TLE2: variants seen among roughly 807,000 people sequenced by gnomAD.
TLE2 encodes the protein TLE family member 2, transcriptional corepressor, also known as transducin-like enhancer protein 2.
Under a neutral mutation model 97.2 loss-of-function variants are expected in TLE2, and 74 were observed. The observed-to-expected ratio is 0.76, with a 90% CI of 0.63 to 0.92. The LOEUF (loss-of-function observed/expected upper bound fraction) is 0.92. TLE2 is among the 40% of genes least tolerant of loss of function. The probability of loss-of-function intolerance (pLI) is 0.00; values close to 1 mark genes in which losing one functional copy is unlikely to be tolerated. For missense variants in TLE2, 1,038 were observed against 1,008.7 expected (o/e 1.03, Z -0.39); for synonymous variants, 499 against 432.1 (o/e 1.15, Z -1.92).
Position 3,006,601 on chromosome 19 carries a change from A to G in TLE2, c.1319T>C (p.Val440Ala). The G allele has an allele frequency of 6.2e-7, 1 of 1,609,942 alleles. No individual in the cohort carries two copies. The highest frequency in any genetic ancestry group is 8.5e-7 in the Non-Finnish European group (1 of 1,178,536). The change falls in exon 15 of 20, where the codon GTA becomes GCA. Residue 440 changes from valine to alanine, a missense_variant. Coordinates refer to ENST00000262953, the MANE Select transcript of TLE2 (RefSeq NM_003260.5). ...GGCGTGCCGCGGGATGCCCGCGCCT[A>G]CCAGTGCATCCGAGGGGAAGGGAAC... ...QPVPFPSDAL[V>A]GAGIPRHARQ... is the part of the protein sequence containing the mutation.
At chr19:3,039,636 G>A (rs537851570) in intron 1 of TLE2, among the ~76,000 whole-genome samples, 3 of 152,280 alleles carry the variant, frequency 2.0e-5, no homozygotes, top group African/African-American at 7.2e-5. Context: ...TCCCTCCTGT[G>A]TGTACGGTCT....
At chr19:3,013,958 G>A (rs911242563) in intron 10 of TLE2, 140 bp from the exon 11 acceptor site, 2 of 863,956 alleles carry the variant, frequency 2.3e-6, no homozygotes, top group Admixed American at 8.3e-5. Context: ...GAAATCTTCT[G>A]CTGCCTCAGT....
At position 3,000,687 on chromosome 19, in the gene TLE2, A is replaced by G. The variant is rs1376969040; in HGVS notation, c.2084T>C (p.Leu695Pro). 2 of 1,594,470 alleles carry G rather than the reference A, an allele frequency of 1.3e-6. No homozygotes were observed. Among genetic ancestry groups the G allele is most frequent in the Non-Finnish European group, 1.7e-6 (2 of 1,170,946 alleles). ...CCCGTACGGCGTCCTCCAGGCGTTG[A>G]GCAGGTTGTCCTTCCCGGTGCTCAC... ...WFVSTGKDNL[L>P]NAWRTPYGAS... is the part of the protein sequence containing the mutation. Residue 695 changes from leucine (L) to proline (P), a missense_variant, in exon 19 of 20, where the codon CTC becomes CCC. Coordinates refer to ENST00000262953, the MANE Select transcript of TLE2 (RefSeq NM_003260.5).
intron 15 of TLE2, chr19:3,006,171 A>G: frequency 3.2e-6 from 3 of 940,078 alleles, no homozygotes; most frequent in Non-Finnish European, 5.2e-6. Context: ...CTTTACCTAT[A>G]AGCCCCACCC....
rs767663886 is a variant in TLE2 at position 3,000,727 on chromosome 19, G to A, written c.2048-4C>T. The A allele has an allele frequency of 6.3e-7, 1 of 1,579,948 alleles. No homozygotes were observed. Among genetic ancestry groups the A allele is most frequent in the Non-Finnish European group, 8.6e-7 (1 of 1,163,256 alleles). On this transcript the variant is annotated splice_region_variant and splice_polypyrimidine_tract_variant and intron_variant, in intron 18 of 19. Transcript: ENST00000262953. ...CCGGTGCTCACAAACCACCGTCCTTGGGGAAGGAGAGCAGCAGGGTTCAAG... is the reference window on the plus strand; with the variant it reads ...CCGGTGCTCACAAACCACCGTCCTTAGGGAAGGAGAGCAGCAGGGTTCAAG...
chr19:3,015,378 CAT>C lies in TLE2; in HGVS notation c.678+273_678+274del, dbSNP rs778646378. Reference sequence around the variant, plus strand: ...TTGATAGAAAAATGGGTTTCTAAAACATGTGTGTTCTAGGGAAAGAAAACAGC... The same window carrying C: ...TTGATAGAAAAATGGGTTTCTAAAACGTGTGTTCTAGGGAAAGAAAACAGC... On this transcript the variant is annotated intron_variant, in intron 9 of 19. Coordinates refer to ENST00000262953, the MANE Select transcript of TLE2 (RefSeq NM_003260.5). Among the ~76,000 whole-genome samples the C allele has an allele frequency of 7.1e-4, 108 of 152,086 alleles. 1 individual carries two copies. The highest frequency in any genetic ancestry group is 1.2e-3 in the Non-Finnish European group (85 of 68,036).
At chr19:3,021,391 G>A (rs1053717454) in intron 5 of TLE2, among the ~76,000 whole-genome samples, 2 of 150,874 alleles carry the variant, frequency 1.3e-5, no homozygotes, top group Admixed American at 6.6e-5. Context: ...GTGACAGAGC[G>A]AGACTCAGTC....
At chr19:3,045,170 C>T (rs1396087621) in intron 1 of TLE2, among the ~76,000 whole-genome samples, 1 of 152,132 alleles carries the variant, frequency 6.6e-6, no homozygotes, top group African/African-American at 2.4e-5. Context: ...GCTATGATAG[C>T]GCCACTGAAC....
chr19:3,033,111 C>T (rs1480212037), upstream of TLE2, among the ~76,000 whole-genome samples: 1 of 151,744 alleles, frequency 6.6e-6, no homozygotes, highest in Non-Finnish European at 1.5e-5. Flanking sequence ...CTCCCAGGTT[C>T]AAGTGATTCT....
intron 5 of TLE2, among the ~76,000 whole-genome samples, chr19:3,022,664 G>A (rs1188489938): frequency 6.6e-6 from 1 of 152,122 alleles, no homozygotes; most frequent in African/African-American, 2.4e-5. Context: ...TCCACTGTAT[G>A]CACTCTGAGG....
intron 1 of TLE2, among the ~76,000 whole-genome samples, chr19:3,044,833 G>A (rs140110426): frequency 4.8e-4 from 73 of 152,308 alleles, no homozygotes; most frequent in African/African-American, 1.6e-3. Context: ...AACTCTCTTC[G>A]CCAAAGTCAT....
At chr19:3,004,378 G>C (rs905676248) in intron 17 of TLE2, among the ~76,000 whole-genome samples, 13 of 151,912 alleles carry the variant, frequency 8.6e-5, no homozygotes, top group Non-Finnish European at 1.6e-4. Context: ...GGTGGCTCAG[G>C]CCTGTAATTC....
At chr19:3,002,017 C>T (rs1195333126) in intron 18 of TLE2, among the ~76,000 whole-genome samples, 1 of 151,944 alleles carries the variant, frequency 6.6e-6, no homozygotes, top group Admixed American at 6.6e-5. Context: ...AGGCTTGTCT[C>T]GAACTCCTGA....
At position 3,005,864 on chromosome 19, in the gene TLE2, G is replaced by A. The variant is rs1206290775; in HGVS notation, c.1605C>T (p.Pro535=). ...STLSIWDLAA[P]TPRIKAELTS... ...TCAGCTCGGCCTTGATACGGGGGGT[G>A]GGCGCCGCCAGGTCCCAAATGGACA... The change falls in exon 16 of 20, where the codon CCC becomes CCT. Residue 535 remains proline (P), a synonymous_variant. Coordinates refer to ENST00000262953, the MANE Select transcript of TLE2 (RefSeq NM_003260.5). The A allele has an allele frequency of 3.7e-6, 6 of 1,613,940 alleles. No homozygotes were observed. The highest frequency in any genetic ancestry group is 5.1e-6 in the Non-Finnish European group (6 of 1,179,878).
chr19:3,041,678 G>A (rs2090104442), intron 1 of TLE2, among the ~76,000 whole-genome samples: 1 of 152,230 alleles, frequency 6.6e-6, no homozygotes, highest in Non-Finnish European at 1.5e-5. Flanking sequence ...CCATGACTCT[G>A]TGAGCTCCAC....
intron 1 of TLE2, among the ~76,000 whole-genome samples, chr19:3,043,667 A>G (rs891790875): frequency 6.6e-6 from 1 of 150,818 alleles, no homozygotes; most frequent in African/African-American, 2.4e-5. Context: ...AAAATTAGCC[A>G]GGCATGGTGG....
In TLE2 at chr19:3,011,865, CA is replaced by C. The variant is rs566649043; in HGVS notation, c.874-706del. On this transcript the variant is annotated intron_variant, in intron 11 of 19. Transcript: ENST00000262953. ...AACTCTACAAAAACAAAAAACAAAA[CA>C]AAAAAAAGGCAACAAAGTTACAAAG... 4.9e-3 allele frequency among the ~76,000 whole-genome samples: 732 copies of C among 150,126 alleles called. 10 individuals carry two copies. The highest frequency in any genetic ancestry group is 0.016 in the African/African-American group (659 of 40,986).
intron 9 of TLE2, among the ~76,000 whole-genome samples, chr19:3,015,194 C>T (rs2089676837): frequency 6.6e-6 from 1 of 152,110 alleles, no homozygotes; most frequent in Non-Finnish European, 1.5e-5. Flanking sequence ...GGAGAAGGGG[C>T]TCCCCAGCTG....
In TLE2 at chr19:3,019,377, C is replaced by A. The variant is rs773267930; in HGVS notation, c.456G>T (p.Gly152=). Residue 152 remains glycine, a synonymous_variant, in exon 7 of 20, where the codon GGG becomes GGT. Coordinates refer to ENST00000262953, the MANE Select transcript of TLE2 (RefSeq NM_003260.5). This position sits in a 1 kb window ranked among gnomAD's most constrained non-coding sequence, Gnocchi z 5.1. ...CCAGGGCTCCAGACAGAGCAAGCAG[C>A]CCCGTAGCACTGCCGCCCACCAGCC... The part of the protein sequence containing the change: ...PAGLVGGSAT[G]LLALSGALAA... The A allele has an allele frequency of 1.4e-4, 217 of 1,550,976 alleles. 2 individuals carry two copies. Among genetic ancestry groups the A allele is most frequent in the Non-Finnish European group, 1.8e-4 (203 of 1,155,172 alleles).
Sources: gnomAD v4.1 joint callset for allele counts (sites outside exome capture counted in the v4.1 genomes callset) on GRCh38, gnomAD v4.1.1 for gene constraint, Gnocchi (gnomAD v3.1) non-coding constraint, MANE v1.5 for transcripts, NCBI Gene and HGNC (gene_info 2026-07-23, HGNC 2026-07-21) for gene names.